The following HDAC6 variants were observed in gnomAD, a reference collection of about 807,000 sequenced individuals.
HDAC6 encodes protein deacetylase HDAC6.
In HDAC6, 5 loss-of-function variants were observed where a neutral mutation model predicts 88.9. The observed-to-expected ratio is 0.06, with a 90% CI of 0.03 to 0.12. HDAC6 has a LOEUF of 0.12. Among genes scored for constraint, HDAC6 ranks in the 10% least tolerant of loss-of-function variants. The pLI is 1.00. For synonymous variants in HDAC6, 378 were observed against 398.0 expected, an observed-to-expected ratio of 0.95 and a Z score of 0.60; for missense variants, 706 against 1,014.4, an observed-to-expected ratio of 0.70 and a Z score of 4.13.
At chrX:48,820,825 T>TTTGTTG (rs374985832) in intron 23 of HDAC6, among the ~76,000 whole-genome samples, 4 of 110,870 alleles carry the variant, frequency 3.6e-5, no homozygotes, top group East Asian at 5.6e-4. Context: ...GATCTGGTTT[T>TTTGTTG]TTGTTGTTGT....
chrX:48,815,487 G>C lies in HDAC6; in HGVS notation c.1253G>C (p.Arg418Pro). The change falls in exon 15 of 29, where the codon CGG (arginine) becomes CCG (proline). Residue 418 changes from arginine (R) to proline (P), a missense_variant. Arg to Pro is a moderately radical substitution (Grantham distance 103). Transcript: ENST00000334136. ...PMLESPGAPC[R>P]SAQASVSCAL... ...CTGGAGTCACCTGGTGCCCCCTGCC[G>C]GAGGTGAGCCCCGGTGGAGGAGGGG... 8.3e-7 allele frequency: 1 copy of C among 1,203,015 alleles called. No individual in the cohort carries two copies. Among genetic ancestry groups the C allele is most frequent in the Admixed American group, 2.2e-5 (1 of 45,820 alleles).
At chrX:48,824,332 A>AC (rs200011702) in intron 28 of HDAC6, 38 bp downstream of exon 28, 15,051 of 1,185,099 alleles carry the variant, frequency 0.013, 83 homozygotes, top group Non-Finnish European at 0.016. Flanking sequence ...GTGCACACTC[A>AC]CCCCCCACAC....
chrX:48,805,367 G>T, intron 4 of HDAC6, 71 bp from the exon 5 acceptor site: 1 of 771,111 alleles, frequency 1.3e-6, no homozygotes, highest in Middle Eastern at 3.0e-4. Context: ...TGGATGGGGA[G>T]ATGTGGAGAG....
At position 48,803,153 on chromosome X, in the gene HDAC6, T is replaced by C; in HGVS notation, c.248T>C (p.Leu83Pro). ...GATCTGAACCTTGAGGCTGAAGCACTGGCTGGCACTGGCTTGGTGTTGGAT... is the reference window on the plus strand; with the variant it reads ...GATCTGAACCTTGAGGCTGAAGCACCGGCTGGCACTGGCTTGGTGTTGGAT... ...GMDLNLEAEA[L>P]AGTGLVLDEQ... Residue 83 changes from leucine (L) to proline (P), a missense_variant, in exon 4 of 29, where the codon CTG becomes CCG. This residue lies in a region of HDAC6 where 193 missense variants were observed against 258.2 expected (regional missense o/e 0.75). Transcript: ENST00000334136. 8.3e-7 allele frequency: 1 copy of C among 1,210,351 alleles called. No homozygotes were observed. The highest frequency in any genetic ancestry group is 1.1e-6 in the Non-Finnish European group (1 of 894,528).
At chrX:48,811,284 A>G (rs782060090) in intron 10 of HDAC6, among the ~76,000 whole-genome samples, 4 of 112,348 alleles carry the variant, frequency 3.6e-5, no homozygotes, top group Admixed American at 1.9e-4. Context: ...AGCCTGGGCG[A>G]TAGAGGGAGA....
chrX:48,816,919 A>T (rs891728815), intron 19 of HDAC6: 4 of 324,891 alleles, frequency 1.2e-5, no homozygotes, highest in African/African-American at 5.5e-5. Flanking sequence ...GCACCACTGC[A>T]CTCTAGCCTG....
intron 4 of HDAC6, among the ~76,000 whole-genome samples, chrX:48,803,960 C>G (rs782080815): frequency 2.7e-5 from 3 of 112,155 alleles, no homozygotes; most frequent in Non-Finnish European, 5.6e-5. Flanking sequence ...GTCAGGAGTT[C>G]GAGACCGGTC....
chrX:48,805,838 C>T (rs2062808588), intron 6 of HDAC6, 167 bp downstream of exon 6: 3 of 462,913 alleles, frequency 6.5e-6, no homozygotes, highest in Admixed American at 7.4e-5. Flanking sequence ...GACCAGTAAA[C>T]ATAAGTTCCT....
intron 28 of HDAC6, 24 bp downstream of exon 28, chrX:48,824,318 A>T: frequency 8.4e-7 from 1 of 1,196,339 alleles, no homozygotes; most frequent in Non-Finnish European, 1.1e-6. Context: ...AGACCCTTCG[A>T]CACGTGCACA....
Position 48,802,472 on chromosome X carries a change from G to A in HDAC6, c.-30-191G>A, listed in dbSNP as rs1488823438. On this transcript the variant is annotated intron_variant, in intron 1 of 28. Coordinates refer to ENST00000334136, the MANE Select transcript of HDAC6 (RefSeq NM_006044.4). ...GGTGGAGTCTAGCGGGCCGGGCGGG[G>A]CCGGGTAGAATGGCCACCTGAGTGG... The A allele has an allele frequency of 5.6e-5, 60 of 1,062,440 alleles. No individual in the cohort carries two copies. In the East Asian group the frequency reaches 2.0e-3, roughly 36 times the overall value. The allele number at this position is 1,062,440 out of a possible 1,213,427, so 87.6% of individuals were successfully genotyped here.
chrX:48,816,757 C>CAGGGGGGGGGGGA, intron 19 of HDAC6, 124 bp downstream of exon 19: 1 of 407,313 alleles, frequency 2.5e-6, no homozygotes, highest in South Asian at 7.1e-5. Flanking sequence ...TGGGGAGGGG[C>CAGGGGGGGGGGGA]ACGGGAGGGG....
chrX:48,809,398 T>G (rs1431223084), intron 10 of HDAC6, among the ~76,000 whole-genome samples: 1 of 111,592 alleles, frequency 9.0e-6, no homozygotes, highest in African/African-American at 3.3e-5. Context: ...TTTTTTCAGA[T>G]TTTGAAATAT....
In HDAC6 at chrX:48,806,689, T is replaced by C. The variant is rs2062824131; in HGVS notation, c.615T>C (p.Asn205=). 1 of 1,196,313 alleles carries C rather than the reference T, an allele frequency of 8.4e-7. No individual in the cohort carries two copies. Among genetic ancestry groups the C allele is most frequent in the African/African-American group, 1.8e-5 (1 of 57,131 alleles). Residue 205 remains asparagine (N), a synonymous_variant, in exon 8 of 29, where the codon AAT becomes AAC. Coordinates refer to ENST00000334136, the MANE Select transcript of HDAC6 (RefSeq NM_006044.4). ...VDAVLGAEIR[N]GMAIIRPPGH... ...CGGTCCTGGGGGCTGAGATCCGGAA[T>C]GGCATGGCCATCATTAGGTAGGACT...
chrX:48,818,011 T>C, intron 20 of HDAC6, 30 bp from the exon 21 acceptor site: 1 of 1,163,004 alleles, frequency 8.6e-7, no homozygotes, highest in South Asian at 1.9e-5. Context: ...GTGAGTATCG[T>C]CGGTTACTGA....
In HDAC6 at chrX:48,817,477, A is replaced by C; in HGVS notation, c.1925+18A>C. 8.3e-7 allele frequency: 1 copy of C among 1,197,803 alleles called. No individual in the cohort carries two copies. The highest frequency in any genetic ancestry group is 1.1e-6 in the Non-Finnish European group (1 of 888,537). ...GCCCTACGGTAAGGACTCCCTGGGGACCCCCCAAATCCTGATCCTTGTGGG... is the reference window on the plus strand; with the variant it reads ...GCCCTACGGTAAGGACTCCCTGGGGCCCCCCCAAATCCTGATCCTTGTGGG... On this transcript the variant is annotated intron_variant, in intron 20 of 28. Transcript: ENST00000334136.
At chrX:48,806,231 T>C in intron 6 of HDAC6, 137 bp from the exon 7 acceptor site, 1 of 460,414 alleles carries the variant, frequency 2.2e-6, no homozygotes, top group Non-Finnish European at 3.9e-6. Flanking sequence ...AGAAACAGAA[T>C]GTGTCTTATA....
chrX:48,815,058 G>T lies in HDAC6; in HGVS notation c.1149+7G>T. Reference sequence around the variant, plus strand: ...GCTGATCCTGTCTCTGGAGGTGAGTGACTCACCTTCGTCCCTCAGCCTGTG... The same window carrying T: ...GCTGATCCTGTCTCTGGAGGTGAGTTACTCACCTTCGTCCCTCAGCCTGTG... On this transcript the variant is annotated splice_region_variant and intron_variant, in intron 14 of 28. Coordinates refer to ENST00000334136, the MANE Select transcript of HDAC6 (RefSeq NM_006044.4). The T allele has an allele frequency of 2.6e-6, 3 of 1,165,537 alleles. No homozygotes were observed. The highest frequency in any genetic ancestry group is 3.5e-6 in the Non-Finnish European group (3 of 861,839).
At chrX:48,812,246 G>A (rs1011209327) in intron 10 of HDAC6, among the ~76,000 whole-genome samples, 5 of 112,373 alleles carry the variant, frequency 4.4e-5, no homozygotes, top group African/African-American at 1.3e-4. Context: ...ATTAACAAAC[G>A]TGTGTAAACA....
rs148227458 is a variant in HDAC6, at chrX:48,809,024, C to T, written c.806+698C>T. On this transcript the variant is annotated intron_variant, in intron 10 of 28. Transcript: ENST00000334136. ...CATGTTAGTACCTCTTAAAGTATCT[C>T]GTTCTTTGTAGTATTCAATTTTATG... Among the ~76,000 whole-genome samples the T allele has an allele frequency of 1.2e-3, 131 of 112,491 alleles. 1 individual carries two copies. The East Asian group carries it at 0.031, about 27-fold the overall frequency.
Sources: allele counts gnomAD v4.1 joint callset (sites outside exome capture counted in the v4.1 genomes callset), GRCh38; gene constraint gnomAD v4.1.1; regional missense constraint gnomAD v4.1.1; transcripts MANE v1.5; gene names NCBI Gene and HGNC (gene_info 2026-07-23, HGNC 2026-07-21).